Variants in FSTL1 observed in about 807,000 individuals in gnomAD.
FSTL1 encodes follistatin like 1.
Under a neutral mutation model 45.9 loss-of-function variants are expected in FSTL1, and 24 were observed. The ratio of observed to expected loss-of-function variants is 0.52; its 90% CI spans 0.38 to 0.74. The LOEUF is 0.74. Among genes scored for constraint, FSTL1 ranks in the 30% least tolerant of loss-of-function variants. The probability of loss-of-function intolerance (pLI) is 0.00; values close to 1 mark genes in which losing one functional copy is unlikely to be tolerated. For missense variants in FSTL1, 340 were observed against 381.8 expected (o/e 0.89, Z 0.91); for synonymous variants, 120 against 137.6 (o/e 0.87, Z 0.89).
rs1936717392 is a variant in FSTL1, at chr3:120,397,078, A to T, written c.883-82T>A. 8.2e-6 allele frequency: 9 copies of T among 1,092,302 alleles called. No homozygotes were observed. The East Asian group carries it at 1.9e-4, about 23-fold the overall frequency. 67.7% of individuals were successfully genotyped at this position (1,092,302 alleles called of 1,614,324 possible). A position where few individuals can be genotyped will look rare whatever the true frequency, so the allele number is the denominator to read the frequency against. On this transcript the variant is annotated intron_variant, in intron 10 of 10. Coordinates refer to ENST00000295633, the MANE Select transcript of FSTL1 (RefSeq NM_007085.5). ...TATCTGTTCCTCAAGACTATATAGC[A>T]TTGGCATTTACAAGCTTATGCTGAA...
chr3:120,415,226 A>G (rs1416955498), intron 3 of FSTL1, among the ~76,000 whole-genome samples: 3 of 152,046 alleles, frequency 2.0e-5, no homozygotes, highest in African/African-American at 7.2e-5. Context: ...AATCAATGCT[A>G]CAGAAATAAA....
intron 2 of FSTL1, among the ~76,000 whole-genome samples, chr3:120,427,387 G>C (rs1295234553): frequency 6.6e-6 from 1 of 152,142 alleles, no homozygotes; most frequent in South Asian, 2.1e-4. Context: ...GATTCTGTTT[G>C]TCCATCCTTT....
At position 120,404,862 on chromosome 3, in the gene FSTL1, T is replaced by C. The variant is rs774187993; in HGVS notation, c.572A>G (p.Lys191Arg). The change falls in exon 7 of 11, where the codon AAG (lysine) becomes AGG (arginine). Residue 191 changes from lysine (K) to arginine (R), a missense_variant. By Grantham distance (26) the Lys-to-Arg change is conservative. Coordinates refer to ENST00000295633, the MANE Select transcript of FSTL1 (RefSeq NM_007085.5). The stretch of plus-strand genomic sequence containing the variant: ...TCTCGGTTCCTCTCACCTAAGCAAC[T>C]TGTTGTTCTCCTGGTCTGGATACGT... ...ITTYPDQENN[K>R]LLRGLCVDAL... 6.6e-7 allele frequency: 1 copy of C among 1,526,202 alleles called. No homozygotes were observed. The highest frequency in any genetic ancestry group is 1.7e-5 in the Admixed American group (1 of 59,928). 94.5% of individuals were successfully genotyped at this position (1,526,202 alleles called of 1,614,324 possible).
intron 4 of FSTL1, 95 bp downstream of exon 4, chr3:120,411,759 T>TG (rs1454806334): frequency 9.1e-7 from 1 of 1,099,798 alleles, no homozygotes; most frequent in Non-Finnish European, 1.3e-6. Flanking sequence ...GCTGTGGTCG[T>TG]GGAGGAAAGA....
chr3:120,397,026 T>A (rs745592844), intron 10 of FSTL1, 30 bp from the exon 11 acceptor site: 1 of 1,557,362 alleles, frequency 6.4e-7, no homozygotes, highest in Non-Finnish European at 8.9e-7. Flanking sequence ...ATAGGCGTCA[T>A]GGAAATATTA....
chr3:120,413,889 C>T (rs1024620349), intron 3 of FSTL1, among the ~76,000 whole-genome samples: 14 of 147,220 alleles, frequency 9.5e-5, no homozygotes, highest in African/African-American at 2.8e-4. Flanking sequence ...TGCAACCTCC[C>T]TGCCTGATTC....
At chr3:120,411,322 T>G (rs1387960598) in intron 4 of FSTL1, 1 of 240,206 alleles carries the variant, frequency 4.2e-6, no homozygotes, top group Non-Finnish European at 8.2e-6. Context: ...AAACAGCTTC[T>G]TGTTTCTTCA....
chr3:120,398,988 G>A (rs1201551541), intron 10 of FSTL1, among the ~76,000 whole-genome samples: 1 of 152,136 alleles, frequency 6.6e-6, no homozygotes, highest in East Asian at 1.9e-4. Context: ...ATGACAAAAT[G>A]CACATTAAGA....
intron 2 of FSTL1, among the ~76,000 whole-genome samples, chr3:120,445,669 T>C (rs1314596758): frequency 6.7e-6 from 1 of 149,450 alleles, no homozygotes; most frequent in African/African-American, 2.6e-5. Context: ...AGGCCCTACA[T>C]TAATGTAAAT....
chr3:120,439,303 G>T (rs1937603942), intron 2 of FSTL1, among the ~76,000 whole-genome samples: 1 of 152,336 alleles, frequency 6.6e-6, no homozygotes, highest in Non-Finnish European at 1.5e-5. Context: ...TCAGAAGGAA[G>T]CTGGGAATAC....
At position 120,412,692 on chromosome 3, in the gene FSTL1, A is replaced by G. The variant is rs1937081867; in HGVS notation, c.169-709T>C. Among the ~76,000 whole-genome samples, 3 of 152,374 alleles carry G rather than the reference A, an allele frequency of 2.0e-5. No individual in the cohort carries two copies. In the South Asian group the frequency reaches 6.2e-4, roughly 32 times the overall value. On this transcript the variant is annotated intron_variant, in intron 3 of 10. Transcript: ENST00000295633. ...TTGAATTCTCTGTCACTTTGGAAAA[A>G]GTAATTTAATGTCTCAGAAGATCTA...
At chr3:120,441,417 T>C (rs1576227872) in intron 2 of FSTL1, 2 of 152,222 alleles carry the variant, frequency 1.3e-5, no homozygotes, top group Non-Finnish European at 1.5e-5. Flanking sequence ...GGAGGAATGA[T>C]AGAACTGTGG....
chr3:120,448,283 C>T (rs1373147651), intron 2 of FSTL1, among the ~76,000 whole-genome samples: 1 of 152,174 alleles, frequency 6.6e-6, no homozygotes, highest in African/African-American at 2.4e-5. Context: ...TCACTAAGGA[C>T]TGTAAATATC....
chr3:120,445,886 C>T (rs1937728194), intron 2 of FSTL1, among the ~76,000 whole-genome samples: 1 of 149,870 alleles, frequency 6.7e-6, no homozygotes, highest in Non-Finnish European at 1.5e-5. Context: ...TCGATGAGGA[C>T]AGTGAAGGGA....
At position 120,392,652 on chromosome 3, in the gene FSTL1, A is replaced by T. The variant is rs1257623300; in HGVS notation, c.*4300T>A. The T allele has an allele frequency of 6.6e-6, 1 of 152,070 alleles. No individual in the cohort carries two copies. Among genetic ancestry groups the T allele is most frequent in the East Asian group, 1.9e-4 (1 of 5,188 alleles). 9.4% of individuals were successfully genotyped at this position (152,070 alleles called of 1,614,324 possible). ...AACATTAATTCTCATTGACAGGAAGACCCTCCTTCCTATTCATACAGCAAC... is the reference window on the plus strand; with the variant it reads ...AACATTAATTCTCATTGACAGGAAGTCCCTCCTTCCTATTCATACAGCAAC... On this transcript the variant is annotated 3_prime_UTR_variant, in exon 11 of 11. Coordinates refer to ENST00000295633, the MANE Select transcript of FSTL1 (RefSeq NM_007085.5).
At position 120,396,747 on chromosome 3, in the gene FSTL1, C is replaced by T. The variant is rs747973161; in HGVS notation, c.*205G>A. On this transcript the variant is annotated 3_prime_UTR_variant, in exon 11 of 11. Transcript: ENST00000295633. The stretch of plus-strand genomic sequence containing the variant: ...ACCATTTACAGTTTCTCTTAAAGCA[C>T]TCCTAGAAATGAAGGCTGTGGCCCT... The T allele has an allele frequency of 1.2e-5, 7 of 575,036 alleles. No individual in the cohort carries two copies. The highest frequency in any genetic ancestry group is 2.2e-5 in the Non-Finnish European group (7 of 323,494). The allele number at this position is 575,036 out of a possible 1,614,324, so 35.6% of individuals were successfully genotyped here. A position where few individuals can be genotyped will look rare whatever the true frequency, so the allele number is the denominator to read the frequency against.
chr3:120,423,853 C>T (rs956498910), intron 2 of FSTL1: 3 of 152,210 alleles, frequency 2.0e-5, no homozygotes, highest in African/African-American at 4.8e-5. Flanking sequence ...TTTCACCCTT[C>T]GGTTTCTTAG....
At chr3:120,403,929 A>AAAAC (rs1553789456) in intron 7 of FSTL1, among the ~76,000 whole-genome samples, 22 of 128,224 alleles carry the variant, frequency 1.7e-4, no homozygotes, top group African/African-American at 5.9e-4. Context: ...TCAAAAAAAA[A>AAAAC]AAAAAAAAAA....
intron 7 of FSTL1, 70 bp from the exon 8 acceptor site, chr3:120,403,424 C>A: frequency 1.1e-6 from 1 of 948,922 alleles, no homozygotes; most frequent in Non-Finnish European, 1.7e-6. Context: ...AAGTAAGCAT[C>A]AGGACCACAT....
Sources: gnomAD v4.1 joint callset for allele counts (sites outside exome capture counted in the v4.1 genomes callset) on GRCh38, gnomAD v4.1.1 for gene constraint, MANE v1.5 for transcripts, NCBI Gene and HGNC (gene_info 2026-07-23, HGNC 2026-07-21) for gene names.